Variants in MACROH2A1 observed in about 807,000 individuals in gnomAD.
The protein encoded by MACROH2A1 is macroH2A.1 histone, also known as core histone macro-H2A.1.
A neutral mutation model predicts 31.6 loss-of-function variants in MACROH2A1; 2 were observed. That is an observed-to-expected ratio of 0.06 (90% CI 0.03 to 0.20). MACROH2A1 has a LOEUF of 0.20. MACROH2A1 is among the 10% of genes least tolerant of loss of function. The pLI, the probability that MACROH2A1 is intolerant of heterozygous loss-of-function variation, is 1.00. For missense variants in MACROH2A1, 230 were observed against 474.0 expected (o/e 0.49, Z 4.78); for synonymous variants, 169 against 189.6 (o/e 0.89, Z 0.89).
intron 2 of MACROH2A1, among the ~76,000 whole-genome samples, chr5:135,381,153 G>A (rs896638088): frequency 6.6e-6 from 1 of 152,176 alleles, no homozygotes; most frequent in Non-Finnish European, 1.5e-5. Flanking sequence ...ATTGTGTTTG[G>A]ATAACTGGAT....
intron 4 of MACROH2A1, chr5:135,361,529 A>C (rs1290294282): frequency 6.6e-6 from 1 of 152,256 alleles, no homozygotes; most frequent in Non-Finnish European, 1.5e-5. Context: ...ATTCAAATAA[A>C]TTGTAGAGTA....
intron 1 of MACROH2A1, among the ~76,000 whole-genome samples, chr5:135,391,318 T>C (rs1420485483): frequency 1.3e-5 from 2 of 152,176 alleles, no homozygotes; most frequent in Non-Finnish European, 2.9e-5. Flanking sequence ...TGGTCAGTGA[T>C]GATTAACAGC....
rs1329531619 is a variant in MACROH2A1 at position 135,343,388 on chromosome 5, G to C, written c.825C>G (p.His275Gln). Residue 275 changes from histidine (H) to glutamine (Q), a missense_variant, in exon 8 of 9, where the codon CAC becomes CAG. Coordinates refer to ENST00000511689, the MANE Select transcript of MACROH2A1 (RefSeq NM_138610.3). ...GHGLPAKFVI[H>Q]CNSPVWGADK... ...CTGCACCCCAAACTGGACTATTACA[G>C]TGGATCACAAACTTGGCAGGCAGGC... 6.2e-7 allele frequency: 1 copy of C among 1,614,234 alleles called. No individual in the cohort carries two copies. Among genetic ancestry groups the C allele is most frequent in the Non-Finnish European group, 8.5e-7 (1 of 1,180,042 alleles).
At chr5:135,338,775 C>G (rs1456136637) in intron 8 of MACROH2A1, among the ~76,000 whole-genome samples, 1 of 152,184 alleles carries the variant, frequency 6.6e-6, no homozygotes, top group Non-Finnish European at 1.5e-5. Context: ...CTCTGTCCTA[C>G]AGCTGTGCTG....
At chr5:135,367,235 CAAATGTTTTGA>C (rs1763621007) in intron 4 of MACROH2A1, among the ~76,000 whole-genome samples, 1 of 152,196 alleles carries the variant, frequency 6.6e-6, no homozygotes, top group Non-Finnish European at 1.5e-5. Context: ...TTACATTAAA[CAAATGTTTTGA>C]AAATTAGCTG....
intron 8 of MACROH2A1, chr5:135,338,095 T>A: frequency 1.3e-6 from 1 of 767,992 alleles, no homozygotes; most frequent in Non-Finnish European, 1.7e-6. Context: ...ATGGAATGTG[T>A]AGGTGGATGC....
At position 135,380,684 on chromosome 5, in the gene MACROH2A1, C is replaced by T. The variant is rs114772877; in HGVS notation, c.172+8238G>A. The stretch of plus-strand genomic sequence containing the variant: ...CAGATCAAAGATCCTCATATTCTCC[C>T]AAGATCTTGGCCCAAATATAAATAA... On this transcript the variant is annotated intron_variant, in intron 2 of 8. Transcript: ENST00000511689. Among the ~76,000 whole-genome samples the T allele has an allele frequency of 1.9e-3, 287 of 152,302 alleles. 2 individuals are homozygous for T. Among genetic ancestry groups the T allele is most frequent in the African/African-American group, 6.6e-3 (273 of 41,558 alleles).
chr5:135,343,424 G>A lies in MACROH2A1; in HGVS notation c.789C>T (p.Ser263=), dbSNP rs373441724. The A allele has an allele frequency of 1.2e-5, 20 of 1,613,878 alleles. No individual in the cohort carries two copies. The highest frequency in any genetic ancestry group is 6.7e-5 in the East Asian group (3 of 44,896). ...ACTTGGCAGGCAGGCCATGGCCTGC[G>A]CTGACAGCAGCTAGTGGTGCGGGGA... is the stretch of plus-strand genomic sequence containing the variant. ...GPLEVAGAAV[S]AGHGLPAKFV... The change falls in exon 8 of 9, where the codon AGC becomes AGT. Residue 263 remains serine, a synonymous_variant. Coordinates refer to ENST00000511689, the MANE Select transcript of MACROH2A1 (RefSeq NM_138610.3).
intron 4 of MACROH2A1, among the ~76,000 whole-genome samples, chr5:135,366,895 C>T (rs1763571656): frequency 6.6e-6 from 1 of 152,154 alleles, no homozygotes; most frequent in Non-Finnish European, 1.5e-5. Context: ...CCTGAAGCCA[C>T]CCAAGTAGAG....
chr5:135,365,577 C>T (rs1035282135), intron 4 of MACROH2A1, among the ~76,000 whole-genome samples: 22 of 152,214 alleles, frequency 1.4e-4, no homozygotes, highest in African/African-American at 5.3e-4. Flanking sequence ...CACATCTCCA[C>T]TACTGAGAAT....
At chr5:135,390,109 T>A (rs1767006547) in intron 1 of MACROH2A1, among the ~76,000 whole-genome samples, 1 of 152,182 alleles carries the variant, frequency 6.6e-6, no homozygotes, top group South Asian at 2.1e-4. Context: ...CCACACAAGG[T>A]TCCCCCCAAA....
chr5:135,358,973 G>T (rs1449232142), intron 5 of MACROH2A1: 1 of 985,238 alleles, frequency 1.0e-6, no homozygotes, highest in African/African-American at 1.7e-5. Flanking sequence ...AACAAACAGA[G>T]CCCAGAGGAG....
rs1272084900 is a variant in MACROH2A1, at chr5:135,357,916, T to C, written c.588+2581A>G. ...TTAGCAACCATGCCTTACAGGGCTG[T>C]AGCATGCACAATATCACCTTTCTCC... is the stretch of plus-strand genomic sequence containing the variant. On this transcript the variant is annotated intron_variant, in intron 5 of 8. Coordinates refer to ENST00000511689, the MANE Select transcript of MACROH2A1 (RefSeq NM_138610.3). The C allele has an allele frequency of 1.0e-5, 10 of 984,726 alleles. No individual in the cohort carries two copies. The South Asian group carries it at 2.3e-4, about 23-fold the overall frequency. 61.0% of individuals were successfully genotyped at this position (984,726 alleles called of 1,614,324 possible).
intron 2 of MACROH2A1, among the ~76,000 whole-genome samples, chr5:135,373,265 T>G (rs939660103): frequency 6.6e-6 from 1 of 152,152 alleles, no homozygotes; most frequent in Non-Finnish European, 1.5e-5. Flanking sequence ...CACTTTTTTT[T>G]TGTGCAGGAA....
At chr5:135,389,844 A>G (rs1403781495) in intron 1 of MACROH2A1, among the ~76,000 whole-genome samples, 2 of 152,152 alleles carry the variant, frequency 1.3e-5, no homozygotes, top group Non-Finnish European at 2.9e-5. Context: ...GTGGTCACAA[A>G]TGTCTCCTGA....
chr5:135,337,971 G>A, intron 8 of MACROH2A1: 1 of 1,215,042 alleles, frequency 8.2e-7, no homozygotes, highest in Non-Finnish European at 1.1e-6. Flanking sequence ...ATGGGACTGT[G>A]GCTGCTCTGG....
At position 135,396,189 on chromosome 5, in the gene MACROH2A1, G is replaced by A. The variant is rs116530545; in HGVS notation, c.-34+2873C>T. Among the ~76,000 whole-genome samples, 1,203 of 152,244 alleles carry A rather than the reference G, an allele frequency of 7.9e-3. 17 individuals are homozygous for A. The highest frequency in any genetic ancestry group is 0.028 in the African/African-American group (1,153 of 41,530). ...TCTACATACTCCTCTCTCTTTTAAAGGTTGTGCCAAACTCTTAAGATAACC... is the reference window on the plus strand; with the variant it reads ...TCTACATACTCCTCTCTCTTTTAAAAGTTGTGCCAAACTCTTAAGATAACC... On this transcript the variant is annotated intron_variant, in intron 1 of 8. Transcript: ENST00000511689.
intron 4 of MACROH2A1, among the ~76,000 whole-genome samples, chr5:135,366,510 G>A (rs1763519659): frequency 6.6e-6 from 1 of 151,720 alleles, no homozygotes; most frequent in Admixed American, 6.6e-5. Context: ...CTAGGAAATA[G>A]CTAACCCCAG....
chr5:135,387,397 G>A (rs1766562980), intron 2 of MACROH2A1, among the ~76,000 whole-genome samples: 1 of 152,220 alleles, frequency 6.6e-6, no homozygotes, highest in Non-Finnish European at 1.5e-5. Context: ...CCTGATGACT[G>A]TGTTTGCTAT....
Sources: gnomAD v4.1 joint callset for allele counts (sites outside exome capture counted in the v4.1 genomes callset) on GRCh38, gnomAD v4.1.1 for gene constraint, MANE v1.5 for transcripts, NCBI Gene and HGNC (gene_info 2026-07-23, HGNC 2026-07-21) for gene names.